The following FRMD4B variants were observed in gnomAD, a reference collection of about 807,000 sequenced individuals.
FRMD4B encodes FERM domain-containing protein 4B.
A neutral mutation model predicts 141.5 loss-of-function variants in FRMD4B; 74 were observed. That is an observed-to-expected ratio of 0.52 (90% CI 0.43 to 0.63). FRMD4B has a LOEUF of 0.63. Among genes scored for constraint, FRMD4B ranks in the 30% least tolerant of loss-of-function variants. FRMD4B has a pLI of 0.00. For synonymous variants in FRMD4B, 506 were observed against 467.9 expected, an observed-to-expected ratio of 1.08 and a Z score of -1.05; for missense variants, 1,366 against 1,253.4, an observed-to-expected ratio of 1.09 and a Z score of -1.36.
chr3:69,414,934 C>T (rs1390289803), intron 2 of FRMD4B, among the ~76,000 whole-genome samples: 1 of 139,070 alleles, frequency 7.2e-6, no homozygotes, highest in African/African-American at 2.7e-5. Context: ...AGCGAGATCT[C>T]GGCTCACTGC....
At position 69,277,765 on chromosome 3, in the gene FRMD4B, T is replaced by C. The variant is rs574187162; in HGVS notation, c.501+9987A>G. The stretch of plus-strand genomic sequence containing the variant: ...CAGGATGGTATCAATCTCCTAACCT[T>C]GTGATCCACCTGCCTTGGCCTCCCA... On this transcript the variant is annotated intron_variant, in intron 5 of 22. Transcript: ENST00000398540. Among the ~76,000 whole-genome samples the C allele has an allele frequency of 7.9e-5, 12 of 152,224 alleles. No homozygotes were observed. The South Asian group carries it at 2.5e-3, about 32-fold the overall frequency.
intron 16 of FRMD4B, 53 bp downstream of exon 16, chr3:69,194,969 G>T: frequency 6.5e-7 from 1 of 1,549,816 alleles, no homozygotes; most frequent in South Asian, 1.2e-5. Flanking sequence ...ACTACACTCA[G>T]ACAGCTTTCC....
At chr3:69,396,379 C>A (rs1436574831) in intron 2 of FRMD4B, among the ~76,000 whole-genome samples, 1 of 152,078 alleles carries the variant, frequency 6.6e-6, no homozygotes, top group Non-Finnish European at 1.5e-5. Flanking sequence ...GTGGCACACA[C>A]CTGTAATCCC....
intron 1 of FRMD4B, chr3:69,535,907 G>T: frequency 2.4e-6 from 1 of 416,862 alleles, no homozygotes; most frequent in South Asian, 1.8e-5. Context: ...TGCTGACAGT[G>T]GGTTTTGAAC....
At chr3:69,453,033 C>G (rs1303463033) in intron 1 of FRMD4B, among the ~76,000 whole-genome samples, 1 of 152,190 alleles carries the variant, frequency 6.6e-6, no homozygotes, top group Non-Finnish European at 1.5e-5. Context: ...TCAATTTGGC[C>G]TTGCCATGTT....
At chr3:69,260,929 G>A (rs1381699595) in intron 5 of FRMD4B, among the ~76,000 whole-genome samples, 1 of 152,204 alleles carries the variant, frequency 6.6e-6, no homozygotes, top group Non-Finnish European at 1.5e-5. Flanking sequence ...GACTGTAATC[G>A]CACTAATCAG....
At chr3:69,286,124 T>A (rs1426096912) in intron 5 of FRMD4B, among the ~76,000 whole-genome samples, 1 of 152,174 alleles carries the variant, frequency 6.6e-6, no homozygotes, top group African/African-American at 2.4e-5. Context: ...TCACCACTAG[T>A]ATGCCCACAC....
chr3:69,411,071 C>T (rs1250702812), intron 2 of FRMD4B, among the ~76,000 whole-genome samples: 1 of 151,896 alleles, frequency 6.6e-6, no homozygotes, highest in African/African-American at 2.4e-5. Context: ...GTGGGGACAC[C>T]GCCATTCAGC....
Position 69,195,021 on chromosome 3 carries a change from C to A in FRMD4B, c.1488+1G>T, listed in dbSNP as rs377522302. 1.9e-6 allele frequency: 3 copies of A among 1,613,028 alleles called. No homozygotes were observed. Among genetic ancestry groups the A allele is most frequent in the Non-Finnish European group, 2.5e-6 (3 of 1,179,322 alleles). On this transcript the variant is annotated splice_donor_variant, in intron 16 of 22. Transcript: ENST00000398540. LOFTEE classifies it high-confidence loss of function. ...GAAAGGCTCAGAGGCGTTGTTCATA[C>A]TTCTTCACTCGGCAGCAAGTTGTCA...
chr3:69,267,593 GTGTATATATA>G (rs1218103967), intron 5 of FRMD4B, among the ~76,000 whole-genome samples: 9 of 97,990 alleles, frequency 9.2e-5, no homozygotes, highest in African/African-American at 4.0e-4. Flanking sequence ...GTGTGTGTGT[GTGTATATATA>G]TATATATATA....
intron 7 of FRMD4B, among the ~76,000 whole-genome samples, chr3:69,247,811 G>C (rs1397071334): frequency 6.6e-6 from 1 of 152,174 alleles, no homozygotes; most frequent in African/African-American, 2.4e-5. Context: ...ACCGCACCCA[G>C]CTAATTTTTT....
chr3:69,389,415 A>G (rs948186402), upstream of FRMD4B, among the ~76,000 whole-genome samples: 1 of 152,198 alleles, frequency 6.6e-6, no homozygotes, highest in African/African-American at 2.4e-5. Context: ...GTGCTTTCCT[A>G]TGACTTTCTG....
At chr3:69,499,504 G>A (rs1162901705) in intron 1 of FRMD4B, among the ~76,000 whole-genome samples, 1 of 152,306 alleles carries the variant, frequency 6.6e-6, no homozygotes, top group Middle Eastern at 3.4e-3. Context: ...ATGTGAAGGA[G>A]AATGATAAAA....
At chr3:69,344,530 T>C (rs34458014) in intron 1 of FRMD4B, among the ~76,000 whole-genome samples, 45,678 of 152,112 alleles carry the variant, frequency 0.3, 7,901 homozygotes, top group Non-Finnish European at 0.39. Context: ...CACTCATCAA[T>C]GTGGATTCTG....
chr3:69,248,089 G>T (rs1237319156), intron 7 of FRMD4B, among the ~76,000 whole-genome samples: 1 of 151,834 alleles, frequency 6.6e-6, no homozygotes, highest in Non-Finnish European at 1.5e-5. Flanking sequence ...ACCATGCCCG[G>T]CCTCAGGCGT....
intron 18 of FRMD4B, 143 bp downstream of exon 18, chr3:69,189,753 C>T: frequency 1.7e-6 from 1 of 604,748 alleles, no homozygotes; most frequent in East Asian, 2.8e-5. Flanking sequence ...ACTTCCTTTC[C>T]CAACCATTTT....
At chr3:69,240,482 CAAAAAAAAAAA>C (rs11344881) in intron 7 of FRMD4B, among the ~76,000 whole-genome samples, 2 of 72,436 alleles carry the variant, frequency 2.8e-5, no homozygotes, top group African/African-American at 1.1e-4. Flanking sequence ...GACTCTGTCT[CAAAAAAAAAAA>C]AAAAAAAAAA....
chr3:69,519,500 G>T (rs1271615034), intron 1 of FRMD4B, among the ~76,000 whole-genome samples: 1 of 152,048 alleles, frequency 6.6e-6, no homozygotes, highest in African/African-American at 2.4e-5. Flanking sequence ...CTTCCCATGG[G>T]CAATACTCTA....
chr3:69,420,305 A>AAAAAAAC (rs397969011), intron 2 of FRMD4B, among the ~76,000 whole-genome samples: 1 of 150,966 alleles, frequency 6.6e-6, no homozygotes. Context: ...AAAAAAAAAA[A>AAAAAAAC]CAACCAAAAC....
Sources: gnomAD v4.1 joint callset for allele counts (sites outside exome capture counted in the v4.1 genomes callset) on GRCh38, gnomAD v4.1.1 for gene constraint, MANE v1.5 for transcripts, NCBI Gene and HGNC (gene_info 2026-07-23, HGNC 2026-07-21) for gene names.